The following BRINP1 variants were observed in gnomAD, a reference collection of about 807,000 sequenced individuals.
BRINP1 encodes the protein BMP/retinoic acid inducible neural specific 1.
A neutral mutation model predicts 72.9 loss-of-function variants in BRINP1; 17 were observed. That is an observed-to-expected ratio of 0.23 (90% CI 0.16 to 0.35). The LOEUF (loss-of-function observed/expected upper bound fraction) is 0.35, where lower values mean the gene tolerates loss of function less well. Among genes scored for constraint, BRINP1 ranks in the 10% least tolerant of loss-of-function variants. The pLI is 1.00. For missense variants in BRINP1, 850 were observed against 1,001.6 expected (o/e 0.85, Z 2.04); for synonymous variants, 418 against 378.5 (o/e 1.10, Z -1.21).
chr9:119,317,235 T>C (rs1031428634), intron 1 of BRINP1, among the ~76,000 whole-genome samples: 5 of 152,140 alleles, frequency 3.3e-5, no homozygotes, highest in Non-Finnish European at 5.9e-5. Context: ...TTAAGAACAT[T>C]TGTGATTCAT....
chr9:119,232,607 T>C (rs1225271489), intron 5 of BRINP1, among the ~76,000 whole-genome samples: 1 of 152,174 alleles, frequency 6.6e-6, no homozygotes, highest in Non-Finnish European at 1.5e-5. Context: ...GATTCATTTA[T>C]CTTATTCACT....
chr9:119,309,610 C>G (rs372411856), intron 2 of BRINP1, among the ~76,000 whole-genome samples: 4 of 152,180 alleles, frequency 2.6e-5, no homozygotes, highest in African/African-American at 9.7e-5. Flanking sequence ...AGATAACTTA[C>G]ATTTTACAAG....
chr9:119,276,727 T>C (rs1830661021), intron 2 of BRINP1, among the ~76,000 whole-genome samples: 1 of 152,202 alleles, frequency 6.6e-6, no homozygotes. Context: ...GGTCAAACGA[T>C]TTGCCCACTT....
chr9:119,167,738 C>T lies in BRINP1; in HGVS notation c.1632G>A (p.Met544Ile). The change falls in exon 8 of 8, where the codon ATG (methionine) becomes ATA (isoleucine). Residue 544 changes from methionine to isoleucine, a missense_variant. Physicochemically the swap from Met to Ile is conservative, Grantham distance 10. Transcript: ENST00000265922. The surrounding 1 kb of genome is among the most constrained non-coding windows in gnomAD (Gnocchi z 4.3). The stretch of plus-strand genomic sequence containing the variant: ...TGCGCATCTGGCAGATGCGCATGGA[C>T]ATGCCGATCACCATGTGGATGAAGT... ...RMDFIHMVIGMSMRICQMRNS... is the reference protein window; with the variant it reads ...RMDFIHMVIGISMRICQMRNS... The T allele has an allele frequency of 6.2e-7, 1 of 1,614,132 alleles. No individual in the cohort carries two copies.
chr9:119,312,945 T>C (rs1438656995), intron 2 of BRINP1, among the ~76,000 whole-genome samples, 193 bp downstream of exon 2: 1 of 152,174 alleles, frequency 6.6e-6, no homozygotes, highest in Non-Finnish European at 1.5e-5. Context: ...AAATATTAAT[T>C]ATTTGATCCT....
At chr9:119,198,662 G>GA (rs201993685) in intron 7 of BRINP1, among the ~76,000 whole-genome samples, 1,614 of 131,880 alleles carry the variant, frequency 0.012, 26 homozygotes, top group African/African-American at 0.043. Flanking sequence ...CTGTGCTCTT[G>GA]AAAATATTAA....
At chr9:119,223,031 T>C (rs1830056841) in intron 5 of BRINP1, among the ~76,000 whole-genome samples, 2 of 152,044 alleles carry the variant, frequency 1.3e-5, no homozygotes, top group Non-Finnish European at 2.9e-5. Flanking sequence ...CTTCTTTTTC[T>C]TGTTATATCC....
Position 119,215,393 on chromosome 9 carries a change from T to C in BRINP1, c.686-1238A>G, listed in dbSNP as rs544322746. On this transcript the variant is annotated intron_variant, in intron 5 of 7. Transcript: ENST00000265922. Reference sequence around the variant, plus strand: ...GAAGGACAGATCTGGGCTAACTTAATTCATTAGGGCACTTTCGCTTAGGAC... The same window carrying C: ...GAAGGACAGATCTGGGCTAACTTAACTCATTAGGGCACTTTCGCTTAGGAC... Among the ~76,000 whole-genome samples the C allele has an allele frequency of 5.3e-5, 8 of 152,330 alleles. No individual in the cohort carries two copies. In the East Asian group the frequency reaches 1.5e-3, roughly 29 times the overall value.
At chr9:119,258,619 TAGAG>T (rs898552271) in intron 2 of BRINP1, among the ~76,000 whole-genome samples, 1 of 152,084 alleles carries the variant, frequency 6.6e-6, no homozygotes, top group Non-Finnish European at 1.5e-5. Flanking sequence ...CTGAGGCCCA[TAGAG>T]AGAGAGGGAC....
intron 1 of BRINP1, among the ~76,000 whole-genome samples, chr9:119,353,024 T>A (rs922465414): frequency 6.6e-6 from 1 of 152,212 alleles, no homozygotes; most frequent in Admixed American, 6.5e-5. Context: ...GAAGAGCTCT[T>A]AAAGCATGCC....
At chr9:119,307,167 A>C (rs189143584) in intron 2 of BRINP1, among the ~76,000 whole-genome samples, 2 of 151,586 alleles carry the variant, frequency 1.3e-5, no homozygotes, top group African/African-American at 4.9e-5. Flanking sequence ...CCCCCAACAA[A>C]CACCACCACC....
At chr9:119,208,617 C>T (rs1307620052) in intron 7 of BRINP1, 102 bp downstream of exon 7, 3 of 1,233,650 alleles carry the variant, frequency 2.4e-6, no homozygotes, top group South Asian at 2.7e-5. Flanking sequence ...CTGTTTGCCA[C>T]CCCACAAATG....
intron 2 of BRINP1, among the ~76,000 whole-genome samples, chr9:119,271,934 C>T (rs1272696246): frequency 6.6e-6 from 1 of 151,968 alleles, no homozygotes; most frequent in Admixed American, 6.6e-5. Context: ...CTCCTAGCCT[C>T]AAGCAATCTT....
At chr9:119,280,404 A>ATTTTT (rs547288880) in intron 2 of BRINP1, among the ~76,000 whole-genome samples, 1 of 142,056 alleles carries the variant, frequency 7.0e-6, no homozygotes. Context: ...ACACCCAGCT[A>ATTTTT]TTTTTTTTTT....
intron 2 of BRINP1, among the ~76,000 whole-genome samples, chr9:119,298,464 A>G (rs1214113764): frequency 9.2e-5 from 14 of 152,164 alleles, no homozygotes; most frequent in Admixed American, 9.2e-4. Context: ...TTACAGATTG[A>G]GATTTCCCCC....
chr9:119,264,966 C>G (rs1830533674), intron 2 of BRINP1, among the ~76,000 whole-genome samples: 1 of 152,176 alleles, frequency 6.6e-6, no homozygotes, highest in Non-Finnish European at 1.5e-5. Flanking sequence ...CCACCGCACC[C>G]AGCCAGCCCT....
intron 1 of BRINP1, among the ~76,000 whole-genome samples, chr9:119,322,488 G>A (rs1014007697): frequency 1.3e-5 from 2 of 152,178 alleles, no homozygotes; most frequent in Non-Finnish European, 2.9e-5. Flanking sequence ...ACACACTCAG[G>A]AGGAGGAGAT....
rs529067354 is a variant in BRINP1, at chr9:119,316,235, C to T, written c.-50-2830G>A. On this transcript the variant is annotated intron_variant, in intron 1 of 7. Transcript: ENST00000265922. ...CCCAGTAGCTGAGATTACAGGTGCA[C>T]GCCACCATGCCCATCTCATTTTTTG... 3.3e-5 allele frequency among the ~76,000 whole-genome samples: 5 copies of T among 152,226 alleles called. No homozygotes were observed. The South Asian group carries it at 8.3e-4, about 25-fold the overall frequency.
At chr9:119,239,774 G>A (rs1205599091) in intron 4 of BRINP1, among the ~76,000 whole-genome samples, 1 of 152,092 alleles carries the variant, frequency 6.6e-6, no homozygotes, top group Non-Finnish European at 1.5e-5. Flanking sequence ...AGCACTTCGG[G>A]TGCAGTCATA....
Sources: allele counts gnomAD v4.1 joint callset (sites outside exome capture counted in the v4.1 genomes callset), GRCh38; gene constraint gnomAD v4.1.1; non-coding constraint Gnocchi (gnomAD v3.1); transcripts MANE v1.5; gene names NCBI Gene and HGNC (gene_info 2026-07-23, HGNC 2026-07-21).